Variants in ENPP3 observed in about 807,000 individuals in gnomAD.
ENPP3 encodes the protein ectonucleotide pyrophosphatase/phosphodiesterase family member 3.
In ENPP3, 104 loss-of-function variants were observed where a neutral mutation model predicts 117.8. The ratio of observed to expected loss-of-function variants is 0.88; its 90% CI spans 0.75 to 1.04. The LOEUF (loss-of-function observed/expected upper bound fraction) is 1.04, where lower values mean the gene tolerates loss of function less well. ENPP3 is among the 50% of genes least tolerant of loss of function. The pLI, the probability that ENPP3 is intolerant of heterozygous loss-of-function variation, is 0.00. For synonymous variants in ENPP3, 380 were observed against 349.9 expected (o/e 1.09, Z -0.96); for missense variants, 1,026 against 1,051.9 (o/e 0.98, Z 0.34).
chr6:131,742,295 C>G (rs1247142171), intron 24 of ENPP3, among the ~76,000 whole-genome samples: 1 of 152,104 alleles, frequency 6.6e-6, no homozygotes, highest in Non-Finnish European at 1.5e-5. Context: ...TGACAGACAT[C>G]AATGACTGAT....
chr6:131,718,767 T>C (rs1779952229), intron 16 of ENPP3, 29 bp downstream of exon 16: 3 of 1,418,020 alleles, frequency 2.1e-6, no homozygotes, highest in East Asian at 4.6e-5. Flanking sequence ...TTTTAACTTT[T>C]ATTTTAAGTT....
chr6:131,664,566 A>C (rs1420485064), intron 6 of ENPP3, among the ~76,000 whole-genome samples: 1 of 152,202 alleles, frequency 6.6e-6, no homozygotes, highest in Non-Finnish European at 1.5e-5. Context: ...AGTTTACAGT[A>C]GTGTCCTAGA....
At chr6:131,706,980 T>A (rs1779654803) in intron 15 of ENPP3, among the ~76,000 whole-genome samples, 2 of 152,018 alleles carry the variant, frequency 1.3e-5, no homozygotes, top group South Asian at 4.1e-4. Context: ...CTCTCTCTTT[T>A]ACTGTTTTCT....
At chr6:131,649,759 T>C (rs1778223334) in intron 2 of ENPP3, among the ~76,000 whole-genome samples, 1 of 152,140 alleles carries the variant, frequency 6.6e-6, no homozygotes, top group Non-Finnish European at 1.5e-5. Context: ...TTTTGCCATG[T>C]TAGCCAGACT....
In ENPP3 at chr6:131,683,105, G is replaced by A. The variant is rs1437916253; in HGVS notation, c.1063G>A (p.Gly355Ser). Residue 355 changes from glycine (G) to serine (S), a missense_variant, in exon 12 of 25, where the codon GGC (glycine) becomes AGC (serine). Physicochemically the swap from Gly to Ser is moderately conservative, Grantham distance 56 (BLOSUM62 0). Coordinates refer to ENST00000357639, the MANE Select transcript of ENPP3 (RefSeq NM_005021.5). ...TCATGCTTTTGGGATGTTGATGGAA[G>A]GCCTGAAGCAGCGGAATTTGCACAA... Reference protein sequence around the residue: ...VDHAFGMLMEGLKQRNLHNCV... With the variant: ...VDHAFGMLMESLKQRNLHNCV... The A allele has an allele frequency of 1.2e-6, 2 of 1,613,028 alleles. No homozygotes were observed. The highest frequency in any genetic ancestry group is 8.5e-7 in the Non-Finnish European group (1 of 1,179,086).
rs761919661 is a variant in ENPP3, at chr6:131,652,538, A to T, written c.278-4A>T. The T allele has an allele frequency of 6.2e-7, 1 of 1,613,960 alleles. No individual in the cohort carries two copies. Among genetic ancestry groups the T allele is most frequent in the African/African-American group, 1.3e-5 (1 of 75,060 alleles). On this transcript the variant is annotated splice_region_variant and splice_polypyrimidine_tract_variant and intron_variant, in intron 3 of 24. Coordinates refer to ENST00000357639, the MANE Select transcript of ENPP3 (RefSeq NM_005021.5). ...GCTCAGAACTGAATTGTATCGTTTTACAGCTCGAATATGGATGTGCAATAA... is the reference window on the plus strand; with the variant it reads ...GCTCAGAACTGAATTGTATCGTTTTTCAGCTCGAATATGGATGTGCAATAA...
chr6:131,709,961 T>G (rs770058792), intron 15 of ENPP3: 2 of 1,594,318 alleles, frequency 1.3e-6, no homozygotes, highest in Non-Finnish European at 1.7e-6. Context: ...ATATGCTCTG[T>G]AAGCTCTTCC....
At chr6:131,688,855 C>A (rs1779213084) in intron 14 of ENPP3, among the ~76,000 whole-genome samples, 1 of 146,352 alleles carries the variant, frequency 6.8e-6, no homozygotes, top group African/African-American at 2.5e-5. Context: ...AGATCGAAAC[C>A]AGCCTGGCCA....
At chr6:131,653,078 A>T (rs1205971084) in intron 5 of ENPP3, among the ~76,000 whole-genome samples, 187 bp downstream of exon 5, 1 of 152,086 alleles carries the variant, frequency 6.6e-6, no homozygotes, top group Non-Finnish European at 1.5e-5. Context: ...TTATTTTTTC[A>T]CAAAGCCCTT....
intron 16 of ENPP3, 93 bp downstream of exon 16, chr6:131,718,831 TGGGG>T (rs1335483058): frequency 1.4e-6 from 1 of 694,444 alleles, no homozygotes; most frequent in African/African-American, 1.8e-5. Flanking sequence ...ACATCTGTCA[TGGGG>T]GTTTGTCATA....
At chr6:131,733,133 T>C (rs892950617) in intron 20 of ENPP3, among the ~76,000 whole-genome samples, 2 of 152,198 alleles carry the variant, frequency 1.3e-5, no homozygotes, top group African/African-American at 4.8e-5. Context: ...TACACCTTCT[T>C]TGAATTAATC....
intron 10 of ENPP3, 59 bp downstream of exon 10, chr6:131,676,860 A>ATT: frequency 2.6e-6 from 3 of 1,138,624 alleles, no homozygotes; most frequent in Non-Finnish European, 3.9e-6. Context: ...TAAAAAATGA[A>ATT]GTTTTTTTTT....
At chr6:131,712,694 C>A (rs1779814155) in intron 15 of ENPP3, among the ~76,000 whole-genome samples, 5 of 142,860 alleles carry the variant, frequency 3.5e-5, no homozygotes, top group Admixed American at 3.5e-4. Flanking sequence ...TAGGTTCTTT[C>A]TCTCTCCCAT....
At chr6:131,663,524 C>CAA (rs766427836) in intron 6 of ENPP3, among the ~76,000 whole-genome samples, 15,261 of 83,348 alleles carry the variant, frequency 0.18, 1,480 homozygotes, top group East Asian at 0.36. Context: ...CTGTCTCTAC[C>CAA]AAAAAAAAAA....
At chr6:131,637,584 G>GT in intron 1 of ENPP3, 122 bp downstream of exon 1, 1 of 482,814 alleles carries the variant, frequency 2.1e-6, no homozygotes, top group African/African-American at 2.0e-5. Context: ...ACTGTATTCA[G>GT]TATTATCCCT....
At chr6:131,680,573 C>T (rs1779002742) in intron 11 of ENPP3, among the ~76,000 whole-genome samples, 1 of 148,538 alleles carries the variant, frequency 6.7e-6, no homozygotes, top group African/African-American at 2.6e-5. Context: ...CCAACTGTCA[C>T]TTAAAACTTG....
chr6:131,731,391 T>C (rs1224313993), intron 20 of ENPP3, among the ~76,000 whole-genome samples: 1 of 152,202 alleles, frequency 6.6e-6, no homozygotes, highest in Non-Finnish European at 1.5e-5. Flanking sequence ...CTTTTCAGGC[T>C]GGTTGTTTTC....
chr6:131,663,524 C>CAAAAAA (rs766427836), intron 6 of ENPP3, among the ~76,000 whole-genome samples: 18 of 83,592 alleles, frequency 2.2e-4, no homozygotes, highest in African/African-American at 7.4e-4. Flanking sequence ...CTGTCTCTAC[C>CAAAAAA]AAAAAAAAAA....
At chr6:131,682,097 T>C (rs1779034440) in intron 11 of ENPP3, among the ~76,000 whole-genome samples, 1 of 152,144 alleles carries the variant, frequency 6.6e-6, no homozygotes, top group Non-Finnish European at 1.5e-5. Context: ...CCTCCCAAAG[T>C]GTTAGGATTA....
Sources: allele counts gnomAD v4.1 joint callset (sites outside exome capture counted in the v4.1 genomes callset), GRCh38; gene constraint gnomAD v4.1.1; transcripts MANE v1.5; gene names NCBI Gene and HGNC (gene_info 2026-07-23, HGNC 2026-07-21).